Variants in DARS2 observed in about 807,000 individuals in gnomAD.
DARS2 encodes aspartyl-tRNA synthetase 2, mitochondrial.
Under a neutral mutation model 83.0 loss-of-function variants are expected in DARS2, and 63 were observed. The observed-to-expected ratio is 0.76, with a 90% CI of 0.62 to 0.94. The LOEUF is 0.94. Among genes scored for constraint, DARS2 ranks in the 40% least tolerant of loss-of-function variants. The pLI is 0.00. For synonymous variants in DARS2, 250 were observed against 269.3 expected, an observed-to-expected ratio of 0.93 and a Z score of 0.70; for missense variants, 675 against 774.4, an observed-to-expected ratio of 0.87 and a Z score of 1.52.
At chr1:173,827,958 A>C (rs998755108) in intron 2 of DARS2, among the ~76,000 whole-genome samples, 1 of 152,176 alleles carries the variant, frequency 6.6e-6, no homozygotes, top group African/African-American at 2.4e-5. Context: ...ACTATATGCA[A>C]AGTTTCCAAA....
chr1:173,838,132 A>G lies in DARS2; in HGVS notation c.771-58A>G, dbSNP rs1236360540. 6.5e-6 allele frequency: 9 copies of G among 1,394,252 alleles called. No homozygotes were observed. The African/African-American group carries it at 7.1e-5, about 11-fold the overall frequency. The allele number at this position is 1,394,252 out of a possible 1,614,324, so 86.4% of individuals were successfully genotyped here. Reference sequence around the variant, plus strand: ...CTTGCATTGCTTTAAACTTTTGGGGAAAAGTGTGTATGTCTTCCTAGAATC... The same window carrying G: ...CTTGCATTGCTTTAAACTTTTGGGGGAAAGTGTGTATGTCTTCCTAGAATC... On this transcript the variant is annotated intron_variant, in intron 8 of 16. Transcript: ENST00000649689.
intron 15 of DARS2, among the ~76,000 whole-genome samples, chr1:173,856,368 T>C (rs1429652138): frequency 6.6e-6 from 1 of 152,172 alleles, no homozygotes; most frequent in Non-Finnish European, 1.5e-5. Context: ...TATCCCCACC[T>C]CCTCATTTGG....
At chr1:173,825,419 A>T in intron 1 of DARS2, 63 bp downstream of exon 1, 1 of 1,513,722 alleles carries the variant, frequency 6.6e-7, no homozygotes, top group Non-Finnish European at 9.0e-7. Context: ...ACGGCCGGAG[A>T]GCTTTTATTC....
intron 10 of DARS2, 75 bp from the exon 11 acceptor site, chr1:173,840,791 A>C (rs1653174261): frequency 1.2e-6 from 1 of 835,038 alleles, no homozygotes; most frequent in African/African-American, 1.7e-5. Context: ...TCTTCTTTAA[A>C]ATCTTGTTTG....
chr1:173,834,724 GTTTTTTTGTTTT>G (rs1302556453), intron 7 of DARS2, among the ~76,000 whole-genome samples: 1 of 14,770 alleles, frequency 6.8e-5, no homozygotes, highest in Non-Finnish European at 1.5e-4. Context: ...TTTCCTTTGA[GTTTTTTTGTTTT>G]TTTTTTTTTT....
Position 173,857,584 on chromosome 1 carries a change from A to C in DARS2, c.1817A>C (p.Lys606Thr). The C allele has an allele frequency of 6.2e-7, 1 of 1,614,158 alleles. No individual in the cohort carries two copies. Among genetic ancestry groups the C allele is most frequent in the Non-Finnish European group, 8.5e-7 (1 of 1,180,018 alleles). ...ATCAGAGATGTCATAGCCTTCCCAA[A>C]GTCCTTCCGGGGACATGACCTCATG... is the stretch of plus-strand genomic sequence containing the variant. ...PSIRDVIAFP[K>T]SFRGHDLMSN... The change falls in exon 17 of 17, where the codon AAG becomes ACG. Residue 606 changes from lysine to threonine, a missense_variant. By Grantham distance (78) the Lys-to-Thr change is moderately conservative. Transcript: ENST00000649689.
chr1:173,851,581 A>G (rs1324138408), intron 13 of DARS2, among the ~76,000 whole-genome samples: 2 of 152,190 alleles, frequency 1.3e-5, no homozygotes, highest in Admixed American at 1.3e-4. Context: ...GAGTGCCATC[A>G]TGCACTGGCT....
intron 2 of DARS2, among the ~76,000 whole-genome samples, chr1:173,828,036 T>C (rs1652648981): frequency 6.6e-6 from 1 of 152,164 alleles, no homozygotes; most frequent in African/African-American, 2.4e-5. Flanking sequence ...CTATAATAAT[T>C]TTTCATTAAT....
Position 173,842,065 on chromosome 1 carries a change from G to C in DARS2, c.1128+1092G>C, listed in dbSNP as rs1571988643. 2.0e-5 allele frequency among the ~76,000 whole-genome samples: 3 copies of C among 152,228 alleles called. No individual in the cohort carries two copies. The South Asian group carries it at 6.2e-4, about 32-fold the overall frequency. ...AAGGGGAAGAAGTGGGAGTAGAAGA[G>C]AGAGAGAGAATGGTTGGGCTGAGCA... On this transcript the variant is annotated intron_variant, in intron 11 of 16. Transcript: ENST00000649689.
intron 1 of DARS2, among the ~76,000 whole-genome samples, chr1:173,825,809 G>A (rs200129221): frequency 0.02 from 1 of 50 alleles, no homozygotes; most frequent in African/African-American, 0.05. Flanking sequence ...GTGTAGAAGC[G>A]AAATTCACTC....
At chr1:173,855,310 C>T (rs1341535601) in intron 15 of DARS2, among the ~76,000 whole-genome samples, 7 of 152,044 alleles carry the variant, frequency 4.6e-5, no homozygotes, top group African/African-American at 1.4e-4. Flanking sequence ...CCATGTTGGC[C>T]GGGCTGGTCT....
intron 1 of DARS2, among the ~76,000 whole-genome samples, chr1:173,826,413 C>T (rs1652565297): frequency 6.6e-6 from 1 of 152,020 alleles, no homozygotes; most frequent in African/African-American, 2.4e-5. Context: ...GATTTTAGGT[C>T]AATGCAAATG....
At chr1:173,853,219 C>T in intron 13 of DARS2, 130 bp from the exon 14 acceptor site, 2 of 873,786 alleles carry the variant, frequency 2.3e-6, no homozygotes, top group East Asian at 2.4e-5. Flanking sequence ...TCCTGAGAAG[C>T]AAAGGGCATC....
chr1:173,831,667 G>A (rs1652801737), intron 5 of DARS2, 37 bp downstream of exon 5: 2 of 1,483,866 alleles, frequency 1.3e-6, no homozygotes, highest in East Asian at 4.5e-5. Flanking sequence ...AGAGTATCTA[G>A]AAAATGTTGA....
In DARS2 at chr1:173,826,748, C is replaced by T. The variant is rs753213423; in HGVS notation, c.189C>T (p.Gly63=). 3 of 1,612,898 alleles carry T rather than the reference C, an allele frequency of 1.9e-6. No homozygotes were observed. The highest frequency in any genetic ancestry group is 2.5e-6 in the Non-Finnish European group (3 of 1,179,776). ...GAGAGTTGCGTTCGTCTCACTTAGG[C>T]CAAGAAGTCACCTTGTGTGGATGGA... The part of the protein sequence containing the change: ...TCGELRSSHL[G]QEVTLCGWIQ... Residue 63 remains glycine, a synonymous_variant, in exon 2 of 17, where the codon GGC becomes GGT. Transcript: ENST00000649689.
Position 173,857,453 on chromosome 1 carries a change from A to G in DARS2, c.1751-65A>G. On this transcript the variant is annotated intron_variant, in intron 16 of 16. Transcript: ENST00000649689. Reference sequence around the variant, plus strand: ...AAAAGTTTTCTACAACTTTTATAGAAAAACTAAGTTATTTCCAACATTAGA... The same window carrying G: ...AAAAGTTTTCTACAACTTTTATAGAGAAACTAAGTTATTTCCAACATTAGA... 3 of 1,533,676 alleles carry G rather than the reference A, an allele frequency of 2.0e-6. No individual in the cohort carries two copies. In the South Asian group the frequency reaches 3.4e-5, roughly 17 times the overall value.
Position 173,853,485 on chromosome 1 carries a change from C to G in DARS2, c.1481C>G (p.Pro494Arg), listed in dbSNP as rs766945661. The change falls in exon 14 of 17, where the codon CCC (proline) becomes CGC (arginine). Residue 494 changes from proline (P) to arginine (R), a missense_variant. Pro to Arg is a moderately radical substitution (Grantham distance 103). Transcript: ENST00000649689. ...CTCTTCCTGCCCAAGGAGGAAAATC[C>G]CAGAGAGCTGGAATCGGCCCACCAC... ...FPLFLPKEEN[P>R]RELESAHHPF... The G allele has an allele frequency of 2.5e-6, 4 of 1,614,024 alleles. No homozygotes were observed. Among genetic ancestry groups the G allele is most frequent in the Admixed American group, 1.7e-5 (1 of 59,990 alleles).
At chr1:173,850,557 T>C (rs1219667566) in intron 13 of DARS2, 78 bp downstream of exon 13, 2 of 1,463,080 alleles carry the variant, frequency 1.4e-6, no homozygotes, top group East Asian at 4.8e-5. Context: ...TAGTATACGT[T>C]TGAACTGTAG....
At chr1:173,830,347 A>G (rs1393364092) in intron 3 of DARS2, among the ~76,000 whole-genome samples, 1 of 152,194 alleles carries the variant, frequency 6.6e-6, no homozygotes, top group African/African-American at 2.4e-5. Flanking sequence ...CCCTAAGACT[A>G]ACCCTGGAGA....
Sources: gnomAD v4.1 joint callset for allele counts (sites outside exome capture counted in the v4.1 genomes callset) on GRCh38, gnomAD v4.1.1 for gene constraint, MANE v1.5 for transcripts, NCBI Gene and HGNC (gene_info 2026-07-23, HGNC 2026-07-21) for gene names.